CNTN5: variants seen among roughly 807,000 people sequenced by gnomAD.
The protein encoded by CNTN5 is contactin 5, also known as contactin-5.
CNTN5 carries 77 observed loss-of-function variants against 129.1 expected under a neutral mutation model. The observed-to-expected ratio is 0.60, with a 90% CI of 0.50 to 0.72. The LOEUF is 0.72. CNTN5 is among the 30% of genes least tolerant of loss of function. The pLI, the probability that CNTN5 is intolerant of heterozygous loss-of-function variation, is 0.00. For missense variants in CNTN5, 1,478 were observed against 1,328.8 expected (o/e 1.11, Z -1.75); for synonymous variants, 509 against 465.6 (o/e 1.09, Z -1.20).
chr11:99,372,766 CTCAA>C (rs746511235), intron 2 of CNTN5, among the ~76,000 whole-genome samples: 132 of 152,296 alleles, frequency 8.7e-4, no homozygotes, highest in African/African-American at 2.4e-3. Flanking sequence ...CTACAAAATC[CTCAA>C]TCAAACAGTT....
At chr11:99,872,030 T>A (rs1948515887) in intron 6 of CNTN5, among the ~76,000 whole-genome samples, 2 of 151,904 alleles carry the variant, frequency 1.3e-5, no homozygotes, top group Admixed American at 1.3e-4. Flanking sequence ...TTATGCACAG[T>A]AAAACAAAAC....
At chr11:99,172,744 G>A (rs988268788) in intron 1 of CNTN5, among the ~76,000 whole-genome samples, 1 of 152,202 alleles carries the variant, frequency 6.6e-6, no homozygotes, top group African/African-American at 2.4e-5. Flanking sequence ...ACTTAACAGA[G>A]AAATCTGTCC....
intron 7 of CNTN5, among the ~76,000 whole-genome samples, chr11:99,918,459 T>C (rs1243341411): frequency 2.6e-5 from 4 of 152,166 alleles, no homozygotes; most frequent in Admixed American, 6.6e-5. Context: ...AAACCTATTA[T>C]TTTTACTATA....
intron 2 of CNTN5, among the ~76,000 whole-genome samples, chr11:99,347,234 G>A (rs533146851): frequency 4.6e-5 from 7 of 152,230 alleles, no homozygotes; most frequent in East Asian, 3.9e-4. Context: ...GTCCTGTCAC[G>A]TGGATAGTTG....
chr11:99,275,052 T>A (rs1863361018), intron 1 of CNTN5, among the ~76,000 whole-genome samples: 1 of 151,478 alleles, frequency 6.6e-6, no homozygotes, highest in Admixed American at 6.6e-5. Context: ...GACATGAATA[T>A]ATATCTATAA....
Position 99,103,428 on chromosome 11 carries a change from ATATCTT to A in CNTN5, c.-210+82162_-210+82167del, listed in dbSNP as rs533781783. Among the ~76,000 whole-genome samples, 28 of 152,248 alleles carry A rather than the reference ATATCTT, an allele frequency of 1.8e-4. No homozygotes were observed. The East Asian group carries it at 5.2e-3, about 28-fold the overall frequency. On this transcript the variant is annotated intron_variant, in intron 1 of 24. Coordinates refer to ENST00000524871, the MANE Select transcript of CNTN5 (RefSeq NM_014361.4). ...CTTTACATCTTTTTCTTCAGGTCAA[ATATCTT>A]TATTATTTTCATCCTTTAAAATGTT...
intron 10 of CNTN5, among the ~76,000 whole-genome samples, chr11:100,069,523 C>T (rs1943822904): frequency 6.6e-6 from 1 of 152,042 alleles, no homozygotes; most frequent in Admixed American, 6.6e-5. Context: ...ATTAGACCAC[C>T]TCTACCGCAG....
chr11:100,000,547 T>G (rs1939793411), intron 8 of CNTN5, among the ~76,000 whole-genome samples: 1 of 152,190 alleles, frequency 6.6e-6, no homozygotes, highest in Non-Finnish European at 1.5e-5. Context: ...CTATGGCTTT[T>G]CTGGGTGCTC....
At chr11:99,192,726 TGG>T (rs1858706893) in intron 1 of CNTN5, among the ~76,000 whole-genome samples, 1 of 152,070 alleles carries the variant, frequency 6.6e-6, no homozygotes, top group Non-Finnish European at 1.5e-5. Context: ...ATCTACTGTA[TGG>T]AAATATTATA....
chr11:99,847,346 G>A (rs1189354613), intron 6 of CNTN5, among the ~76,000 whole-genome samples: 2 of 152,196 alleles, frequency 1.3e-5, no homozygotes, highest in African/African-American at 4.8e-5. Context: ...ACAATTCAAT[G>A]ACCAGGCATG....
At chr11:100,177,195 C>G (rs1229465611) in intron 13 of CNTN5, among the ~76,000 whole-genome samples, 3 of 151,976 alleles carry the variant, frequency 2.0e-5, no homozygotes, top group Admixed American at 6.6e-5. Context: ...ATCATTTTAC[C>G]TATTCCCCTC....
At chr11:99,626,565 C>G (rs145305734) in intron 3 of CNTN5, among the ~76,000 whole-genome samples, 1 of 152,218 alleles carries the variant, frequency 6.6e-6, no homozygotes, top group East Asian at 1.9e-4. Flanking sequence ...CTGAAGGAAT[C>G]ACTGCTAGAG....
At chr11:100,064,609 A>G (rs1019662885) in intron 10 of CNTN5, among the ~76,000 whole-genome samples, 1 of 152,144 alleles carries the variant, frequency 6.6e-6, no homozygotes, top group Non-Finnish European at 1.5e-5. Flanking sequence ...TCTATTTGGT[A>G]TGCCTTTCTT....
At chr11:99,308,646 C>A (rs544996120) in intron 1 of CNTN5, among the ~76,000 whole-genome samples, 2 of 152,130 alleles carry the variant, frequency 1.3e-5, no homozygotes, top group South Asian at 2.1e-4. Flanking sequence ...TTACTATAAG[C>A]TTTCAGGAAA....
In CNTN5 at chr11:100,204,297, A is replaced by ATATATATATAT. The variant is rs1555039166; in HGVS notation, c.1884+10634_1884+10635insTATATATATAT. 2.4e-3 allele frequency among the ~76,000 whole-genome samples: 42 copies of ATATATATATAT among 17,658 alleles called. 6 individuals are homozygous for ATATATATATAT. Among genetic ancestry groups the ATATATATATAT allele is most frequent in the East Asian group, 0.023 (7 of 302 alleles). 11.6% of individuals were successfully genotyped at this position (17,658 alleles called of 152,430 possible). On this transcript the variant is annotated intron_variant, in intron 15 of 24. Coordinates refer to ENST00000524871, the MANE Select transcript of CNTN5 (RefSeq NM_014361.4). ...GCTCACCAAGAAACAAACATTGACTAATATATATATATATATATATATATA... is the reference window on the plus strand; with the variant it reads ...GCTCACCAAGAAACAAACATTGACTATATATATATATATATATATATATATATATATATATA...
At chr11:99,844,827 A>C (rs2135695938) in intron 4 of CNTN5, 25 bp from the exon 5 acceptor site, 2 of 1,586,010 alleles carry the variant, frequency 1.3e-6, no homozygotes, top group Non-Finnish European at 1.7e-6. Flanking sequence ...AGGAAATTTA[A>C]AATGTGTCTG....
chr11:99,817,842 G>A (rs1439563665), intron 3 of CNTN5, among the ~76,000 whole-genome samples: 1 of 139,876 alleles, frequency 7.1e-6, no homozygotes, highest in African/African-American at 2.5e-5. Flanking sequence ...GCCCAAGGGA[G>A]GTTAACTCTT....
intron 1 of CNTN5, among the ~76,000 whole-genome samples, chr11:99,028,545 C>T (rs1022794165): frequency 1.3e-5 from 2 of 151,886 alleles, no homozygotes; most frequent in African/African-American, 4.8e-5. Flanking sequence ...AGTTCTCTAA[C>T]TGCTGCATTT....
chr11:100,045,070 A>G (rs912990287), intron 9 of CNTN5, among the ~76,000 whole-genome samples: 1 of 151,708 alleles, frequency 6.6e-6, no homozygotes, highest in Non-Finnish European at 1.5e-5. Context: ...GTAATCTCAC[A>G]TCGTGTATCT....
Sources: allele counts gnomAD v4.1 joint callset (sites outside exome capture counted in the v4.1 genomes callset), GRCh38; gene constraint gnomAD v4.1.1; transcripts MANE v1.5; gene names NCBI Gene and HGNC (gene_info 2026-07-23, HGNC 2026-07-21).